Variants in ARAP1 observed in about 807,000 individuals in gnomAD.
The protein encoded by ARAP1 is arf-GAP with Rho-GAP domain, ANK repeat and PH domain-containing protein 1.
In ARAP1, 76 loss-of-function variants were observed where a neutral mutation model predicts 172.2. The observed-to-expected ratio is 0.44, with a 90% CI of 0.37 to 0.53. The LOEUF is 0.53. Among genes scored for constraint, ARAP1 ranks in the 20% least tolerant of loss-of-function variants. The pLI is 0.00. For missense variants in ARAP1, 1,686 were observed against 1,977.5 expected (o/e 0.85, Z 2.80); for synonymous variants, 804 against 803.3 (o/e 1.00, Z -0.01).
intron 3 of ARAP1, among the ~76,000 whole-genome samples, chr11:72,717,965 G>A (rs561413841): frequency 3.7e-4 from 56 of 152,312 alleles, no homozygotes; most frequent in Non-Finnish European, 6.6e-4. Context: ...GGACCCATCT[G>A]AGAGGGAACA....
rs1565220398 is a variant in ARAP1, at chr11:72,710,436, C to A, written c.1365G>T (p.Lys455Asn). 6.2e-7 allele frequency: 1 copy of A among 1,614,102 alleles called. No individual in the cohort carries two copies. Residue 455 changes from lysine to asparagine, a missense_variant, in exon 10 of 35, where the codon AAG becomes AAT. By Grantham distance (94) the Lys-to-Asn change is moderately conservative (BLOSUM62 0). Coordinates refer to ENST00000393609, the MANE Select transcript of ARAP1 (RefSeq NM_001040118.3). This position sits in a 1 kb window ranked among gnomAD's most constrained non-coding sequence, Gnocchi z 4.3. ...GSLELRGFKN[K>N]LYVAVVGDKV... ...TGTCCCCGACCACGGCCACGTACAG[C>A]TTATTCTTGAAGCCACGAAGCTCCA...
chr11:72,710,070 G>T lies in ARAP1; in HGVS notation c.1417-94C>A. ...AGGAAGGGAAGGTGGTGCAACTCAG[G>T]GACTGGGGGGGGTGCCCAGGAGGGA... On this transcript the variant is annotated intron_variant, in intron 10 of 34. Transcript: ENST00000393609. This position sits in a 1 kb window ranked among gnomAD's most constrained non-coding sequence, Gnocchi z 4.3. 8.7e-7 allele frequency: 1 copy of T among 1,155,594 alleles called. No individual in the cohort carries two copies. The highest frequency in any genetic ancestry group is 2.4e-5 in the East Asian group (1 of 42,080). 71.6% of individuals were successfully genotyped at this position (1,155,594 alleles called of 1,614,324 possible).
chr11:72,686,968 A>C (rs914864356), intron 33 of ARAP1, among the ~76,000 whole-genome samples: 7 of 151,992 alleles, frequency 4.6e-5, no homozygotes, highest in African/African-American at 9.7e-5. Flanking sequence ...GACTTCCAGC[A>C]CTCCTGGCTT....
chr11:72,713,576 G>C (rs747437578), intron 4 of ARAP1, among the ~76,000 whole-genome samples: 1 of 152,102 alleles, frequency 6.6e-6, no homozygotes, highest in Non-Finnish European at 1.5e-5. Flanking sequence ...GGCCAGGCGC[G>C]GTGGCTCATG....
At chr11:72,734,033 C>T (rs1164272737) in intron 1 of ARAP1, among the ~76,000 whole-genome samples, 1 of 152,092 alleles carries the variant, frequency 6.6e-6, no homozygotes, top group Non-Finnish European at 1.5e-5. Flanking sequence ...GCCATGTTGG[C>T]CAGGCTGGTC....
At chr11:72,750,185 C>T (rs1204337397) in intron 1 of ARAP1, among the ~76,000 whole-genome samples, 1 of 152,194 alleles carries the variant, frequency 6.6e-6, no homozygotes, top group African/African-American at 2.4e-5. Context: ...AGCTGGTGAA[C>T]AAGAATCACC....
intron 16 of ARAP1, chr11:72,700,446 G>C (rs78415614): frequency 6.6e-6 from 1 of 152,286 alleles, no homozygotes; most frequent in African/African-American, 2.4e-5. Context: ...TCCTGTCTGT[G>C]AGGGCCTGAC....
chr11:72,747,038 G>A (rs1858389198), intron 1 of ARAP1, among the ~76,000 whole-genome samples: 1 of 152,222 alleles, frequency 6.6e-6, no homozygotes, highest in Admixed American at 6.5e-5. Flanking sequence ...GCTCAGCCTT[G>A]CTCCTGGTCT....
intron 1 of ARAP1, among the ~76,000 whole-genome samples, chr11:72,748,688 G>A (rs149268145): frequency 1.9e-4 from 29 of 152,262 alleles, no homozygotes; most frequent in African/African-American, 4.1e-4. Flanking sequence ...TCCACAGGAA[G>A]ACCATGTGGA....
chr11:72,739,591 C>T (rs1003118086), intron 1 of ARAP1, among the ~76,000 whole-genome samples: 10 of 152,204 alleles, frequency 6.6e-5, no homozygotes, highest in African/African-American at 1.9e-4. Context: ...GGGCAAGTCA[C>T]ATCACATTCT....
chr11:72,730,987 A>C (rs1857848229), intron 2 of ARAP1, among the ~76,000 whole-genome samples: 1 of 152,240 alleles, frequency 6.6e-6, no homozygotes. Context: ...AGTAAAGAAA[A>C]GTGCAGAACA....
chr11:72,733,655 C>T (rs183478089), intron 1 of ARAP1, among the ~76,000 whole-genome samples: 1 of 152,304 alleles, frequency 6.6e-6, no homozygotes, highest in African/African-American at 2.4e-5. Flanking sequence ...GGTCTGCCAA[C>T]ACTAGGGTTA....
chr11:72,751,005 G>A (rs917674920), intron 1 of ARAP1, among the ~76,000 whole-genome samples: 4 of 152,156 alleles, frequency 2.6e-5, no homozygotes, highest in Admixed American at 2.6e-4. Flanking sequence ...AGCATGGCTG[G>A]AGCCCAGGTG....
rs746017373 is a variant in ARAP1, at chr11:72,712,150, C to T, written c.1022+46G>A. The T allele has an allele frequency of 3.0e-5, 46 of 1,510,080 alleles. No homozygotes were observed. In the South Asian group the frequency reaches 5.4e-4, roughly 18 times the overall value. 93.5% of individuals were successfully genotyped at this position (1,510,080 alleles called of 1,614,324 possible). A position where few individuals can be genotyped will look rare whatever the true frequency, so the allele number is the denominator to read the frequency against. ...TCCTGGGGTCCTGGACACTGCCCCC[C>T]ACCCCCCCATGCAGAGCACAGCAGG... On this transcript the variant is annotated intron_variant, in intron 7 of 34. Transcript: ENST00000393609.
chr11:72,707,387 G>C lies in ARAP1; in HGVS notation c.1524-13C>G. 3 of 1,605,724 alleles carry C rather than the reference G, an allele frequency of 1.9e-6. No individual in the cohort carries two copies. The highest frequency in any genetic ancestry group is 2.2e-5 in the East Asian group (1 of 44,662). ...GTCAGCAGAGAAGCTGGGGACATAG[G>C]GGTGGGGAGATTAGTGGGGATGGAC... On this transcript the variant is annotated splice_polypyrimidine_tract_variant and intron_variant, in intron 11 of 34. Coordinates refer to ENST00000393609, the MANE Select transcript of ARAP1 (RefSeq NM_001040118.3).
intron 2 of ARAP1, among the ~76,000 whole-genome samples, chr11:72,730,265 C>A (rs994353703): frequency 1.3e-5 from 2 of 152,176 alleles, no homozygotes; most frequent in African/African-American, 2.4e-5. Flanking sequence ...AGGAACTTAA[C>A]CTCCCCCACA....
intron 22 of ARAP1, 134 bp from the exon 23 acceptor site, chr11:72,696,788 A>G: frequency 1.1e-6 from 1 of 947,366 alleles, no homozygotes; most frequent in Non-Finnish European, 1.5e-6. Flanking sequence ...CCAGGCATTC[A>G]ACCAGGGTAA....
intron 1 of ARAP1, among the ~76,000 whole-genome samples, chr11:72,745,075 T>C (rs1858314076): frequency 6.6e-6 from 1 of 151,978 alleles, no homozygotes; most frequent in Non-Finnish European, 1.5e-5. Flanking sequence ...CCAACTCTGC[T>C]CCTGGAGTGG....
chr11:72,697,263 CTG>C, intron 21 of ARAP1, 58 bp downstream of exon 21: 1 of 1,528,144 alleles, frequency 6.5e-7, no homozygotes, highest in Middle Eastern at 1.7e-4. Flanking sequence ...CCGCGCAGCT[CTG>C]GGGCGGGAGG....
Sources: gnomAD v4.1 joint callset for allele counts (sites outside exome capture counted in the v4.1 genomes callset) on GRCh38, gnomAD v4.1.1 for gene constraint, Gnocchi (gnomAD v3.1) non-coding constraint, MANE v1.5 for transcripts, NCBI Gene and HGNC (gene_info 2026-07-23, HGNC 2026-07-21) for gene names.